The following ZC3H13 variants were observed in gnomAD, a reference collection of about 807,000 sequenced individuals.
ZC3H13 encodes zinc finger CCCH-type containing 13, also known as zinc finger CCCH domain-containing protein 13.
A neutral mutation model predicts 204.1 loss-of-function variants in ZC3H13; 64 were observed. The ratio of observed to expected loss-of-function variants is 0.31; its 90% CI spans 0.26 to 0.39. The LOEUF is 0.39. ZC3H13 is among the 10% of genes least tolerant of loss of function. The pLI, the probability that ZC3H13 is intolerant of heterozygous loss-of-function variation, is 1.00. For missense variants in ZC3H13, 1,833 were observed against 2,082.7 expected (o/e 0.88, Z 2.33); for synonymous variants, 667 against 693.7 (o/e 0.96, Z 0.60).
At chr13:46,010,996 T>C (rs1304775146) in intron 6 of ZC3H13, among the ~76,000 whole-genome samples, 1 of 152,208 alleles carries the variant, frequency 6.6e-6, no homozygotes, top group Non-Finnish European at 1.5e-5. Flanking sequence ...TGTCCTAACA[T>C]ATACCAGTTT....
intron 12 of ZC3H13, 129 bp downstream of exon 12, chr13:45,975,154 G>A: frequency 1.4e-6 from 2 of 1,414,148 alleles, no homozygotes; most frequent in South Asian, 3.0e-5. Context: ...TACTAAATTT[G>A]AAAAACAGGA....
At chr13:46,013,624 C>A (rs1210284893) in intron 5 of ZC3H13, among the ~76,000 whole-genome samples, 1 of 151,966 alleles carries the variant, frequency 6.6e-6, no homozygotes, top group African/African-American at 2.4e-5. Flanking sequence ...AAAGAAAAAA[C>A]AGGAAGTACA....
chr13:46,052,038 CT>C (rs1310410235), intron 1 of ZC3H13: 5 of 145,172 alleles, frequency 3.4e-5, no homozygotes. Flanking sequence ...AGATGTTTTT[CT>C]CTAACAGATC....
rs1951693640 is a variant in ZC3H13 at position 45,961,589 on chromosome 13, TG to T, written c.4676-1944del. Among the ~76,000 whole-genome samples, 7 of 18,434 alleles carry T rather than the reference TG, an allele frequency of 3.8e-4. No individual in the cohort carries two copies. The South Asian group carries it at 0.012, about 31-fold the overall frequency. The allele number at this position is 18,434 out of a possible 152,430, so 12.1% of individuals were successfully genotyped here. A position where few individuals can be genotyped will look rare whatever the true frequency, so the allele number is the denominator to read the frequency against. On this transcript the variant is annotated intron_variant, in intron 17 of 18. Transcript: ENST00000679008. ...GTGGGGAGATGTGGGGGTGGGGAGT[TG>T]GGGGGATGGTTAATGGGTACAAAAA...
intron 4 of ZC3H13, among the ~76,000 whole-genome samples, chr13:46,035,601 T>C (rs191340099): frequency 6.6e-6 from 1 of 152,370 alleles, no homozygotes; most frequent in African/African-American, 2.4e-5. Flanking sequence ...AAGCCTTTTC[T>C]TTTGAAATAA....
At position 46,015,779 on chromosome 13, in the gene ZC3H13, G is replaced by C. The variant is rs556293553; in HGVS notation, c.449-4225C>G. ...TGCTCCTGAAGGCAATGGGAAATTA[G>C]GGAATTTGAAACAGGAAAATAAAAT... On this transcript the variant is annotated intron_variant, in intron 5 of 18. Transcript: ENST00000679008. Among the ~76,000 whole-genome samples the C allele has an allele frequency of 5.3e-5, 8 of 152,094 alleles. No individual in the cohort carries two copies. In the East Asian group the frequency reaches 1.5e-3, roughly 29 times the overall value.
At chr13:46,049,920 C>T (rs1410305315) in intron 1 of ZC3H13, among the ~76,000 whole-genome samples, 1 of 152,068 alleles carries the variant, frequency 6.6e-6, no homozygotes, top group East Asian at 1.9e-4. Context: ...TGAAGGTTTT[C>T]CTCCATTTTT....
chr13:45,966,405 G>A (rs1183447527), intron 15 of ZC3H13, among the ~76,000 whole-genome samples: 1 of 152,036 alleles, frequency 6.6e-6, no homozygotes, highest in Non-Finnish European at 1.5e-5. Context: ...TAGTAACTTT[G>A]TCATATAAAC....
intron 4 of ZC3H13, among the ~76,000 whole-genome samples, chr13:46,026,764 G>GCA (rs952235470): frequency 3.7e-4 from 56 of 152,232 alleles, no homozygotes; most frequent in African/African-American, 1.3e-3. Context: ...AACTGTCATA[G>GCA]TTTGACATAT....
rs192382928 is a variant in ZC3H13, at chr13:46,014,679, T to C, written c.449-3125A>G. 2.3e-3 allele frequency among the ~76,000 whole-genome samples: 347 copies of C among 152,318 alleles called. 2 individuals carry two copies. Among genetic ancestry groups the C allele is most frequent in the Non-Finnish European group, 3.9e-3 (267 of 68,012 alleles). On this transcript the variant is annotated intron_variant, in intron 5 of 18. Transcript: ENST00000679008. ...ACTTTGCCTTTATGATACATTCTCA[T>C]TGCTAAAGTCTTAAATAATTCTGAA...
intron 7 of ZC3H13, among the ~76,000 whole-genome samples, chr13:46,006,957 A>G (rs1161601658): frequency 6.6e-6 from 1 of 151,738 alleles, no homozygotes; most frequent in African/African-American, 2.4e-5. Context: ...TCATGAGATG[A>G]CTCAATCTTC....
chr13:46,039,681 C>T (rs934062507), intron 4 of ZC3H13, among the ~76,000 whole-genome samples: 2 of 152,096 alleles, frequency 1.3e-5, no homozygotes, highest in Non-Finnish European at 2.9e-5. Flanking sequence ...TAAACACAGC[C>T]ATGATTGAAC....
intron 18 of ZC3H13, among the ~76,000 whole-genome samples, chr13:45,959,175 A>G (rs1249005882): frequency 6.6e-6 from 1 of 152,154 alleles, no homozygotes; most frequent in African/African-American, 2.4e-5. Flanking sequence ...CACTCTAAGA[A>G]ATTTTTTTCC....
At chr13:46,050,100 T>C (rs537599190) in intron 1 of ZC3H13, among the ~76,000 whole-genome samples, 1 of 152,268 alleles carries the variant, frequency 6.6e-6, no homozygotes, top group South Asian at 2.1e-4. Flanking sequence ...CTGAAGTCTT[T>C]ATAATCTCTT....
chr13:46,004,203 AT>A (rs2040956363), intron 7 of ZC3H13, among the ~76,000 whole-genome samples: 1 of 151,898 alleles, frequency 6.6e-6, no homozygotes, highest in South Asian at 2.1e-4. Context: ...ATTTTGCAAA[AT>A]TTTCAAATAT....
chr13:46,038,297 A>G (rs1308528089), intron 4 of ZC3H13, among the ~76,000 whole-genome samples: 1 of 152,046 alleles, frequency 6.6e-6, no homozygotes, highest in Non-Finnish European at 1.5e-5. Context: ...CCCCTCTGAC[A>G]CCGCGTCGAT....
intron 1 of ZC3H13, among the ~76,000 whole-genome samples, chr13:46,049,975 C>T (rs2139272814): frequency 6.6e-6 from 1 of 152,118 alleles, no homozygotes; most frequent in Non-Finnish European, 1.5e-5. Flanking sequence ...ACACTTCCAC[C>T]CACATCATCA....
chr13:45,981,916 C>T (rs1013466575), intron 10 of ZC3H13, among the ~76,000 whole-genome samples: 3 of 150,448 alleles, frequency 2.0e-5, no homozygotes, highest in Non-Finnish European at 3.0e-5. Context: ...ATACCTAATG[C>T]TAAATGACGA....
intron 11 of ZC3H13, among the ~76,000 whole-genome samples, chr13:45,979,317 T>C (rs1185332718): frequency 1.3e-5 from 2 of 152,028 alleles, no homozygotes; most frequent in African/African-American, 2.4e-5. Context: ...CTAAAGCAAA[T>C]ACCATATCTT....
Sources: gnomAD v4.1 joint callset for allele counts (sites outside exome capture counted in the v4.1 genomes callset) on GRCh38, gnomAD v4.1.1 for gene constraint, MANE v1.5 for transcripts, NCBI Gene and HGNC (gene_info 2026-07-23, HGNC 2026-07-21) for gene names.